Variants in TRDN observed in about 807,000 individuals in gnomAD.
The protein encoded by TRDN is triadin in skeletal muscle.
In TRDN, 161 loss-of-function variants were observed where a neutral mutation model predicts 149.7. The ratio of observed to expected loss-of-function variants is 1.08; its 90% confidence interval spans 0.95 to 1.23. The LOEUF (loss-of-function observed/expected upper bound fraction) is 1.23. Ranked by LOEUF, TRDN falls within the 50% of genes most tolerant of loss-of-function variation. TRDN has a pLI of 0.00. For synonymous variants in TRDN, 294 were observed against 250.5 expected (o/e 1.17, Z -1.64); for missense variants, 896 against 823.5 (o/e 1.09, Z -1.08).
rs1775001597 is a variant in TRDN, at chr6:123,217,490, G to T, written c.*1111C>A. On this transcript the variant is annotated 3_prime_UTR_variant, in exon 41 of 41. Transcript: ENST00000334268. ...ATAAAAACAATGTAGTAAAGAACAC[G>T]AGTATTTATATTACCAGGAATATGA... 2.0e-5 allele frequency: 3 copies of T among 151,912 alleles called. No homozygotes were observed. Among genetic ancestry groups the T allele is most frequent in the Admixed American group, 6.6e-5 (1 of 15,216 alleles). 9.4% of individuals were successfully genotyped at this position (151,912 alleles called of 1,614,324 possible).
At chr6:123,511,585 A>T (rs1033318550) in intron 7 of TRDN, among the ~76,000 whole-genome samples, 1 of 152,156 alleles carries the variant, frequency 6.6e-6, no homozygotes, top group African/African-American at 2.4e-5. Context: ...ATGTTATTTT[A>T]GTTTTTTTAT....
At chr6:123,589,880 C>T (rs1783697904) in intron 1 of TRDN, among the ~76,000 whole-genome samples, 1 of 151,942 alleles carries the variant, frequency 6.6e-6, no homozygotes, top group African/African-American at 2.4e-5. Context: ...GAACTAAGAC[C>T]CAAGTTTCTT....
At chr6:123,303,109 T>A (rs548618199) in intron 24 of TRDN, among the ~76,000 whole-genome samples, 1 of 152,246 alleles carries the variant, frequency 6.6e-6, no homozygotes, top group East Asian at 1.9e-4. Flanking sequence ...AGAAGTTAAA[T>A]CATGATGTCA....
At chr6:123,324,967 G>A (rs932006212) in intron 23 of TRDN, among the ~76,000 whole-genome samples, 1 of 152,078 alleles carries the variant, frequency 6.6e-6, no homozygotes, top group Non-Finnish European at 1.5e-5. Flanking sequence ...CAGAAAATGA[G>A]TAATCATGGA....
chr6:123,354,425 A>G lies in TRDN; in HGVS notation c.1322-1839T>C, dbSNP rs370040051. On this transcript the variant is annotated intron_variant, in intron 20 of 40. Transcript: ENST00000334268. ...TATTATTTTATTAACCTTTGCCTAA[A>G]ACACAATCATCTCACTTTCACAGGC... is the stretch of plus-strand genomic sequence containing the variant. Among the ~76,000 whole-genome samples, 14 of 152,020 alleles carry G rather than the reference A, an allele frequency of 9.2e-5. No individual in the cohort carries two copies. The East Asian group carries it at 2.5e-3, about 27-fold the overall frequency.
intron 23 of TRDN, among the ~76,000 whole-genome samples, chr6:123,329,406 T>C (rs1050956198): frequency 5.9e-5 from 9 of 152,182 alleles, no homozygotes; most frequent in African/African-American, 2.2e-4. Context: ...TGTTAAAACT[T>C]TAACCTAGAA....
intron 5 of TRDN, among the ~76,000 whole-genome samples, chr6:123,518,403 A>C (rs1779513745): frequency 6.6e-6 from 1 of 152,160 alleles, no homozygotes; most frequent in Non-Finnish European, 1.5e-5. Flanking sequence ...GCGTCTTTTA[A>C]AGTTTCTCTG....
At chr6:123,522,619 T>C (rs1056157015) in intron 5 of TRDN, among the ~76,000 whole-genome samples, 1 of 151,470 alleles carries the variant, frequency 6.6e-6, no homozygotes, top group African/African-American at 2.4e-5. Flanking sequence ...GATTACATAT[T>C]ACAGAAAGTT....
chr6:123,267,114 A>AAAAAAAAAAAAAAG (rs1562238034), intron 32 of TRDN, among the ~76,000 whole-genome samples: 1 of 148,930 alleles, frequency 6.7e-6, no homozygotes, highest in Non-Finnish European at 1.5e-5. Flanking sequence ...AAAAAAAAAA[A>AAAAAAAAAAAAAAG]GAAGTAACAG....
At chr6:123,409,224 T>C (rs1773331095) in intron 12 of TRDN, among the ~76,000 whole-genome samples, 4 of 152,168 alleles carry the variant, frequency 2.6e-5, no homozygotes, top group Admixed American at 2.6e-4. Context: ...TGAAAACCTA[T>C]AAAGTTCACA....
chr6:123,409,586 G>T (rs550289750), intron 12 of TRDN, among the ~76,000 whole-genome samples: 1 of 152,232 alleles, frequency 6.6e-6, no homozygotes, highest in Non-Finnish European at 1.5e-5. Context: ...AGATTCTTCT[G>T]CTTATGTATT....
At chr6:123,316,331 A>G (rs1779019762) in intron 24 of TRDN, 126 bp downstream of exon 24, 4 of 847,766 alleles carry the variant, frequency 4.7e-6, no homozygotes, top group Non-Finnish European at 7.7e-6. Flanking sequence ...ACATAGCATC[A>G]GTATTTTTTT....
chr6:123,464,821 C>T, intron 10 of TRDN, 85 bp downstream of exon 10: 1 of 1,519,432 alleles, frequency 6.6e-7, no homozygotes, highest in Non-Finnish European at 8.8e-7. Context: ...TTTGCTGTTT[C>T]TTTGTGACTA....
intron 5 of TRDN, among the ~76,000 whole-genome samples, chr6:123,523,115 G>A (rs1779769718): frequency 6.6e-6 from 1 of 152,134 alleles, no homozygotes; most frequent in African/African-American, 2.4e-5. Flanking sequence ...GTGCTTAAAT[G>A]CCCCCAGTGA....
At chr6:123,226,707 A>G (rs1775385028) in intron 38 of TRDN, among the ~76,000 whole-genome samples, 1 of 151,896 alleles carries the variant, frequency 6.6e-6, no homozygotes, top group Non-Finnish European at 1.5e-5. Flanking sequence ...AAAATTCAAG[A>G]AAGGAATAAG....
At chr6:123,319,698 T>G (rs1019202431) in intron 23 of TRDN, among the ~76,000 whole-genome samples, 4 of 152,070 alleles carry the variant, frequency 2.6e-5, no homozygotes, top group Non-Finnish European at 5.9e-5. Context: ...TCTGTAAACA[T>G]TTGCCACTGA....
rs78777896 is a variant in TRDN at position 123,225,478 on chromosome 6, C to A, written c.1976-1347G>T. Reference sequence around the variant, plus strand: ...AAATATATTGTATGCTTGAAACTTTCTAAGAGAGTAGATCTTAAATGTTCT... The same window carrying A: ...AAATATATTGTATGCTTGAAACTTTATAAGAGAGTAGATCTTAAATGTTCT... On this transcript the variant is annotated intron_variant, in intron 38 of 40. Coordinates refer to ENST00000334268, the MANE Select transcript of TRDN (RefSeq NM_006073.4). Among the ~76,000 whole-genome samples, 463 of 151,520 alleles carry A rather than the reference C, an allele frequency of 3.1e-3. 17 individuals carry two copies. In the East Asian group the frequency reaches 0.075, roughly 25 times the overall value.
intron 9 of TRDN, among the ~76,000 whole-genome samples, chr6:123,478,337 A>C (rs1777594182): frequency 1.3e-5 from 2 of 152,208 alleles, no homozygotes; most frequent in Admixed American, 6.6e-5. Flanking sequence ...GAAGAGGCCC[A>C]GTACTTAAAG....
At chr6:123,468,683 A>G (rs1353020692) in intron 9 of TRDN, 2 of 152,188 alleles carry the variant, frequency 1.3e-5, no homozygotes, top group Non-Finnish European at 2.9e-5. Flanking sequence ...AGTTTAATCT[A>G]TCTAGTTTCT....
Sources: allele counts gnomAD v4.1 joint callset (sites outside exome capture counted in the v4.1 genomes callset), GRCh38; gene constraint gnomAD v4.1.1; transcripts MANE v1.5; gene names NCBI Gene and HGNC (gene_info 2026-07-23, HGNC 2026-07-21).